The following TENM4 variants were observed in gnomAD, a reference collection of about 807,000 sequenced individuals.
TENM4 encodes teneurin transmembrane protein 4, also known as teneurin-4.
In TENM4, 82 loss-of-function variants were observed where a neutral mutation model predicts 243.3. The ratio of observed to expected loss-of-function variants is 0.34; its 90% CI spans 0.28 to 0.40. The LOEUF (loss-of-function observed/expected upper bound fraction) is 0.40. TENM4 is among the 10% of genes least tolerant of loss of function. TENM4 has a pLI of 1.00. For missense variants in TENM4, 3,138 were observed against 3,673.3 expected (o/e 0.85, Z 3.77); for synonymous variants, 1,412 against 1,456.3 (o/e 0.97, Z 0.69).
intron 1 of TENM4, among the ~76,000 whole-genome samples, chr11:79,408,900 C>T (rs1046100769): frequency 1.3e-5 from 2 of 152,102 alleles, no homozygotes; most frequent in African/African-American, 4.8e-5. Context: ...GATCTGGGCT[C>T]AGTGGAAGCT....
intron 21 of TENM4, among the ~76,000 whole-genome samples, chr11:78,730,658 C>T (rs185974474): frequency 6.6e-6 from 1 of 152,322 alleles, no homozygotes; most frequent in African/African-American, 2.4e-5. Context: ...CAGCTTGATG[C>T]GCTGGGCTCT....
chr11:79,089,061 C>T (rs1268064299), intron 4 of TENM4, among the ~76,000 whole-genome samples: 1 of 152,224 alleles, frequency 6.6e-6, no homozygotes, highest in Non-Finnish European at 1.5e-5. Flanking sequence ...CCAGACAAAG[C>T]CCTGGTCTTC....
chr11:79,364,849 C>A (rs1248285252), intron 1 of TENM4, among the ~76,000 whole-genome samples: 1 of 152,184 alleles, frequency 6.6e-6, no homozygotes, highest in East Asian at 1.9e-4. Flanking sequence ...TCATAATTTA[C>A]CACTTTGTAA....
chr11:79,130,931 T>C (rs1861990677), intron 4 of TENM4, among the ~76,000 whole-genome samples: 1 of 151,814 alleles, frequency 6.6e-6, no homozygotes, highest in Non-Finnish European at 1.5e-5. Flanking sequence ...AGAAAGAAAT[T>C]CAGAGCATGA....
chr11:79,044,998 T>C (rs1276380128), intron 6 of TENM4, among the ~76,000 whole-genome samples: 1 of 152,206 alleles, frequency 6.6e-6, no homozygotes, highest in Non-Finnish European at 1.5e-5. Context: ...CAGTGGCATT[T>C]AGTATACATC....
chr11:79,374,393 G>A (rs1359156784), intron 1 of TENM4, among the ~76,000 whole-genome samples: 3 of 152,024 alleles, frequency 2.0e-5, no homozygotes, highest in Non-Finnish European at 2.9e-5. Flanking sequence ...AAACTAAGGC[G>A]ATAAACATTT....
At chr11:79,324,775 T>C (rs1565299912) in intron 1 of TENM4, among the ~76,000 whole-genome samples, 5 of 152,174 alleles carry the variant, frequency 3.3e-5, no homozygotes, top group Admixed American at 2.0e-4. Context: ...TCTGGGTAGA[T>C]GACACTGCTG....
intron 3 of TENM4, among the ~76,000 whole-genome samples, chr11:79,159,640 C>T (rs11237733): frequency 0.11 from 16,266 of 152,156 alleles, 838 homozygotes; most frequent in Admixed American, 0.14. Flanking sequence ...GTGTGGCTGA[C>T]CCAGATGTTG....
chr11:79,299,578 A>G (rs1313342434), intron 1 of TENM4, among the ~76,000 whole-genome samples: 1 of 152,232 alleles, frequency 6.6e-6, no homozygotes. Context: ...GCGCTTTGGT[A>G]TAAAACTGCA....
rs1860199218 is a variant in TENM4 at position 79,064,824 on chromosome 11, G to A, written c.407C>T (p.Thr136Ile). Reference protein sequence around the residue: ...EHPVRLWGRSTRSGRSSCLSS... With the variant: ...EHPVRLWGRSIRSGRSSCLSS... ...CAGGCAGGAGCTGCGCCCTGACCGT[G>A]TGCTCCGGCCCCACAGACGCACGGG... The change falls in exon 6 of 34, where the codon ACA becomes ATA. Residue 136 changes from threonine (T) to isoleucine (I), a missense_variant. Coordinates refer to ENST00000278550, the MANE Select transcript of TENM4 (RefSeq NM_001098816.3). 6.4e-7 allele frequency: 1 copy of A among 1,551,498 alleles called. No individual in the cohort carries two copies. Among genetic ancestry groups the A allele is most frequent in the Non-Finnish European group, 8.7e-7 (1 of 1,146,988 alleles).
At chr11:78,954,606 A>G (rs945758199) in intron 6 of TENM4, among the ~76,000 whole-genome samples, 1 of 152,242 alleles carries the variant, frequency 6.6e-6, no homozygotes, top group Admixed American at 6.5e-5. Flanking sequence ...TGTCACCAGA[A>G]TGGGATAACC....
At chr11:79,211,586 G>A (rs770909346) in intron 3 of TENM4, among the ~76,000 whole-genome samples, 3 of 152,126 alleles carry the variant, frequency 2.0e-5, no homozygotes, top group South Asian at 2.1e-4. Context: ...ATAGCCAAAC[G>A]TTGAAGGGAT....
intron 15 of TENM4, among the ~76,000 whole-genome samples, chr11:78,796,157 C>G (rs1857155660): frequency 6.6e-6 from 1 of 152,142 alleles, no homozygotes; most frequent in South Asian, 2.1e-4. Context: ...TCCCCCAGGA[C>G]TAGATTTTCA....
At chr11:79,134,897 G>C (rs564002571) in intron 4 of TENM4, among the ~76,000 whole-genome samples, 10 of 152,238 alleles carry the variant, frequency 6.6e-5, no homozygotes, top group African/African-American at 1.7e-4. Context: ...AATTCTAGAA[G>C]ATAACATTGG....
intron 6 of TENM4, among the ~76,000 whole-genome samples, chr11:79,015,786 A>T (rs1478580935): frequency 6.6e-6 from 1 of 152,176 alleles, no homozygotes; most frequent in African/African-American, 2.4e-5. Flanking sequence ...TAGACAATAA[A>T]CACAAACAAA....
At chr11:78,975,848 A>C (rs970129473) in intron 6 of TENM4, among the ~76,000 whole-genome samples, 1 of 152,104 alleles carries the variant, frequency 6.6e-6, no homozygotes, top group Non-Finnish European at 1.5e-5. Flanking sequence ...GGTACCTACT[A>C]TGTGTCCAGC....
intron 1 of TENM4, among the ~76,000 whole-genome samples, chr11:79,429,171 C>A (rs1285864000): frequency 6.6e-6 from 1 of 152,150 alleles, no homozygotes; most frequent in African/African-American, 2.4e-5. Flanking sequence ...GAATTTGAGC[C>A]AGGATCTGCT....
chr11:78,842,463 A>G (rs1216600007), intron 12 of TENM4, among the ~76,000 whole-genome samples: 1 of 152,238 alleles, frequency 6.6e-6, no homozygotes, highest in Non-Finnish European at 1.5e-5. Flanking sequence ...CCAGCCAAAG[A>G]TACCTATACA....
intron 6 of TENM4, among the ~76,000 whole-genome samples, chr11:78,947,046 C>T (rs559830600): frequency 7.9e-5 from 12 of 152,216 alleles, no homozygotes; most frequent in East Asian, 5.8e-4. Flanking sequence ...TTGAGAGGAC[C>T]GACTCCAGTT....
Sources: gnomAD v4.1 joint callset for allele counts (sites outside exome capture counted in the v4.1 genomes callset) on GRCh38, gnomAD v4.1.1 for gene constraint, MANE v1.5 for transcripts, NCBI Gene and HGNC (gene_info 2026-07-23, HGNC 2026-07-21) for gene names.